Variants in HDGF observed in about 807,000 individuals in gnomAD.
The protein encoded by HDGF is heparin binding growth factor.
A neutral mutation model predicts 30.0 loss-of-function variants in HDGF; 5 were observed. The observed-to-expected ratio is 0.17, with a 90% CI of 0.09 to 0.35. HDGF has a LOEUF of 0.35. HDGF is among the 10% of genes least tolerant of loss of function. The pLI is 1.00. For synonymous variants in HDGF, 133 were observed against 112.7 expected, an observed-to-expected ratio of 1.18 and a Z score of -1.14; for missense variants, 214 against 302.8, an observed-to-expected ratio of 0.71 and a Z score of 2.18.
intron 1 of HDGF, among the ~76,000 whole-genome samples, chr1:156,766,103 G>C (rs576557995): frequency 5.3e-5 from 8 of 152,316 alleles, no homozygotes; most frequent in African/African-American, 1.7e-4. Flanking sequence ...ATTAAAGTTT[G>C]AGCACAGATT....
At position 156,751,241 on chromosome 1, in the gene HDGF, G is replaced by A. The variant is rs1650957698; in HGVS notation, c.87+102C>T. ...AGAGCCGGAGACCTACAAGCCCCCT[G>A]CCCCCACCTCTGCCCGCTCCGCGCG... On this transcript the variant is annotated intron_variant, in intron 1 of 5. Transcript: ENST00000357325. The surrounding 1 kb of genome is among the most constrained non-coding windows in gnomAD (Gnocchi z 4.7). The A allele has an allele frequency of 1.4e-6, 2 of 1,383,992 alleles. No homozygotes were observed. Among genetic ancestry groups the A allele is most frequent in the South Asian group, 2.9e-5 (2 of 68,430 alleles). The allele number at this position is 1,383,992 out of a possible 1,614,324, so 85.7% of individuals were successfully genotyped here. A position where few individuals can be genotyped will look rare whatever the true frequency, so the allele number is the denominator to read the frequency against.
intron 1 of HDGF, among the ~76,000 whole-genome samples, chr1:156,749,452 G>C (rs1650819070): frequency 6.6e-6 from 1 of 152,226 alleles, no homozygotes; most frequent in Non-Finnish European, 1.5e-5. Flanking sequence ...AGCCATCCCT[G>C]CAAGTATCAC....
intron 1 of HDGF, among the ~76,000 whole-genome samples, chr1:156,762,860 G>A (rs181455107): frequency 1.6e-4 from 24 of 148,892 alleles, no homozygotes; most frequent in East Asian, 5.9e-4. Flanking sequence ...CAACAAGAGC[G>A]AAACTCCGTC....
intron 1 of HDGF, among the ~76,000 whole-genome samples, chr1:156,748,902 C>T (rs1385761474): frequency 6.6e-6 from 1 of 152,172 alleles, no homozygotes; most frequent in East Asian, 1.9e-4. Flanking sequence ...GGGGAAGGGG[C>T]ACCGGGAGGA....
chr1:156,743,334 G>T lies in HDGF; in HGVS notation c.*115C>A. 9.0e-7 allele frequency: 1 copy of T among 1,107,172 alleles called. No homozygotes were observed. Among genetic ancestry groups the T allele is most frequent in the Non-Finnish European group, 1.3e-6 (1 of 770,348 alleles). The allele number at this position is 1,107,172 out of a possible 1,614,324, so 68.6% of individuals were successfully genotyped here. On this transcript the variant is annotated 3_prime_UTR_variant, in exon 6 of 6. Coordinates refer to ENST00000357325, the MANE Select transcript of HDGF (RefSeq NM_004494.3). ...GGAGTGGGAAAAGTGAGTAGAAGAGGAGAGCAGGTTGGGGTGGGAAAGGGG... is the reference window on the plus strand; with the variant it reads ...GGAGTGGGAAAAGTGAGTAGAAGAGTAGAGCAGGTTGGGGTGGGAAAGGGG...
chr1:156,756,175 C>T (rs1651151803), upstream of HDGF, among the ~76,000 whole-genome samples: 1 of 152,098 alleles, frequency 6.6e-6, no homozygotes, highest in South Asian at 2.1e-4. Context: ...TCGCCTGAAC[C>T]CAGGAGGTGG....
Position 156,751,275 on chromosome 1 carries a change from G to C in HDGF, c.87+68C>G. ...TCTGCCCGCTCCGCGCGGAGCGCTC[G>C]TGCCCTTCCCGGTGTTATGCAACCC... On this transcript the variant is annotated intron_variant, in intron 1 of 5. Coordinates refer to ENST00000357325, the MANE Select transcript of HDGF (RefSeq NM_004494.3). The surrounding 1 kb of genome is among the most constrained non-coding windows in gnomAD (Gnocchi z 4.7). The C allele has an allele frequency of 5.8e-6, 9 of 1,552,256 alleles. No homozygotes were observed. Among genetic ancestry groups the C allele is most frequent in the Non-Finnish European group, 7.0e-6 (8 of 1,146,316 alleles).
At chr1:156,753,479 A>G (rs1651085274), upstream of HDGF, among the ~76,000 whole-genome samples, 1 of 152,232 alleles carries the variant, frequency 6.6e-6, no homozygotes, top group South Asian at 2.1e-4. Flanking sequence ...TCTTGTCACA[A>G]GTTCTTGAAG....
chr1:156,760,902 T>A (rs1388556138), intron 1 of HDGF, among the ~76,000 whole-genome samples: 1 of 152,020 alleles, frequency 6.6e-6, no homozygotes, highest in East Asian at 1.9e-4. Flanking sequence ...AAAATAAGAT[T>A]ATATCAAGAG....
intron 1 of HDGF, among the ~76,000 whole-genome samples, chr1:156,765,238 G>GCCCGCCAC (rs1266592086): frequency 4.0e-5 from 6 of 149,740 alleles, no homozygotes; most frequent in Non-Finnish European, 8.9e-5. Context: ...GATTACAGGC[G>GCCCGCCAC]CCCGCCACCG....
rs376725207 is a variant in HDGF at position 156,744,346 on chromosome 1, G to A, written c.306C>T (p.Ser102=). 4.2e-5 allele frequency: 67 copies of A among 1,613,812 alleles called. No homozygotes were observed. The highest frequency in any genetic ancestry group is 5.2e-5 in the Non-Finnish European group (61 of 1,180,004). The change falls in exon 4 of 6, where the codon TCC becomes TCT. Residue 102 remains serine, a splice_region_variant and synonymous_variant. Coordinates refer to ENST00000357325, the MANE Select transcript of HDGF (RefSeq NM_004494.3). ...CTTCCACACAGCTCTTTTTCTGGGA[G>A]GACTGCAGCAGAGACAGCACAGGCT... ...NPTVKASGYQ[S]SQKKSCVEEP...
At chr1:156,744,848 T>C (rs1443839816) in intron 3 of HDGF, among the ~76,000 whole-genome samples, 160 bp downstream of exon 3, 2 of 151,892 alleles carry the variant, frequency 1.3e-5, no homozygotes, top group Non-Finnish European at 2.9e-5. Flanking sequence ...CCCAACCCTA[T>C]CCCTTCTTGC....
chr1:156,745,548 G>A (rs1179152809), intron 1 of HDGF, among the ~76,000 whole-genome samples, 175 bp from the exon 2 acceptor site: 1 of 152,142 alleles, frequency 6.6e-6, no homozygotes, highest in Non-Finnish European at 1.5e-5. Flanking sequence ...AATGAAGTCA[G>A]ACATGAAAGC....
chr1:156,753,784 C>T (rs1051870974), upstream of HDGF, among the ~76,000 whole-genome samples: 2 of 151,020 alleles, frequency 1.3e-5, no homozygotes, highest in African/African-American at 4.9e-5. Flanking sequence ...CTCCTGATGT[C>T]GTAATCTGCC....
chr1:156,757,786 C>CAAA (rs60308399), intron 2 of HDGF, among the ~76,000 whole-genome samples: 1 of 85,328 alleles, frequency 1.2e-5, no homozygotes, highest in Non-Finnish European at 2.6e-5. Context: ...GACTCTGTCT[C>CAAA]AAAAAAAAAA....
rs915921817 is a variant in HDGF, at chr1:156,751,013, C to T, written c.87+330G>A. Among the ~76,000 whole-genome samples, 1 of 151,518 alleles carries T rather than the reference C, an allele frequency of 6.6e-6. No individual in the cohort carries two copies. Among genetic ancestry groups the T allele is most frequent in the Non-Finnish European group, 1.5e-5 (1 of 67,834 alleles). On this transcript the variant is annotated intron_variant, in intron 1 of 5. Transcript: ENST00000357325. The surrounding 1 kb of genome is among the most constrained non-coding windows in gnomAD (Gnocchi z 4.7). ...ACGACTGGCCCAAAGCCAGACTTCGCGCTCGAAACCTCTGGGAGTATGGGG... is the reference window on the plus strand; with the variant it reads ...ACGACTGGCCCAAAGCCAGACTTCGTGCTCGAAACCTCTGGGAGTATGGGG...
At chr1:156,753,055 G>A (rs891203378), upstream of HDGF, among the ~76,000 whole-genome samples, 1 of 152,210 alleles carries the variant, frequency 6.6e-6, no homozygotes, top group Non-Finnish European at 1.5e-5. Context: ...GGGATAACAT[G>A]ACTGCCCTGG....
intron 2 of HDGF, among the ~76,000 whole-genome samples, chr1:156,757,786 C>CAA (rs60308399): frequency 2.8e-4 from 24 of 85,296 alleles, no homozygotes; most frequent in African/African-American, 7.1e-4. Flanking sequence ...GACTCTGTCT[C>CAA]AAAAAAAAAA....
At chr1:156,747,263 C>T (rs1002460294) in intron 1 of HDGF, among the ~76,000 whole-genome samples, 6 of 71,946 alleles carry the variant, frequency 8.3e-5, no homozygotes, top group African/African-American at 3.1e-4. Context: ...CCCCCCCCCC[C>T]GCCCCGCCGC....
Sources: gnomAD v4.1 joint callset for allele counts (sites outside exome capture counted in the v4.1 genomes callset) on GRCh38, gnomAD v4.1.1 for gene constraint, Gnocchi (gnomAD v3.1) non-coding constraint, MANE v1.5 for transcripts, NCBI Gene and HGNC (gene_info 2026-07-23, HGNC 2026-07-21) for gene names.